CHODL: variants seen among roughly 807,000 people sequenced by gnomAD.
CHODL encodes the protein chondrolectin, also known as transmembrane protein MT75.
A neutral mutation model predicts 34.5 loss-of-function variants in CHODL; 29 were observed. The ratio of observed to expected loss-of-function variants is 0.84; its 90% CI spans 0.63 to 1.15. The LOEUF is 1.15. Among genes scored for constraint, CHODL ranks in the 50% most tolerant of loss-of-function variants. The probability of loss-of-function intolerance (pLI) is 0.00; values close to 1 mark genes in which losing one functional copy is unlikely to be tolerated. For missense variants in CHODL, 332 were observed against 332.5 expected (o/e 1.00, Z 0.01); for synonymous variants, 125 against 116.1 (o/e 1.08, Z -0.49).
At chr21:18,136,119 G>GAAA (rs755756494) in intron 2 of CHODL, among the ~76,000 whole-genome samples, 3 of 134,366 alleles carry the variant, frequency 2.2e-5, no homozygotes, top group Non-Finnish European at 4.6e-5. Context: ...AAAAAAAAAA[G>GAAA]AAAAAGAAAA....
chr21:17,962,081 A>T (rs748585594), intron 1 of CHODL, among the ~76,000 whole-genome samples: 5 of 152,190 alleles, frequency 3.3e-5, no homozygotes, highest in Admixed American at 6.6e-5. Context: ...CCAAATATGC[A>T]GCTGGATTAC....
chr21:18,042,740 C>A (rs113556411), intron 2 of CHODL, among the ~76,000 whole-genome samples: 1 of 151,828 alleles, frequency 6.6e-6, no homozygotes, highest in Non-Finnish European at 1.5e-5. Flanking sequence ...AATTCTCTTG[C>A]GCAGAAGGTG....
At chr21:18,206,879 A>C (rs1221218440) in intron 2 of CHODL, among the ~76,000 whole-genome samples, 4 of 137,294 alleles carry the variant, frequency 2.9e-5, no homozygotes. Context: ...TATTATTATT[A>C]TTATTATTAT....
intron 1 of CHODL, among the ~76,000 whole-genome samples, chr21:18,025,591 A>G (rs1278607825): frequency 2.0e-5 from 3 of 151,864 alleles, no homozygotes; most frequent in Non-Finnish European, 4.4e-5. Flanking sequence ...GACATAATTT[A>G]TTTTTTTATT....
chr21:17,993,137 AT>A (rs557099854), intron 1 of CHODL, among the ~76,000 whole-genome samples: 1 of 151,606 alleles, frequency 6.6e-6, no homozygotes, highest in East Asian at 1.9e-4. Flanking sequence ...TAGTATTTTC[AT>A]TTTTTTCCCA....
intron 1 of CHODL, among the ~76,000 whole-genome samples, chr21:18,255,710 T>TA (rs1491385632): frequency 6.6e-6 from 1 of 152,006 alleles, no homozygotes; most frequent in African/African-American, 2.4e-5. Context: ...TTCCTTTTTT[T>TA]AAAAAAGTAC....
At chr21:18,245,740 C>T (rs1214976844) in intron 1 of CHODL, 25 of 610,390 alleles carry the variant, frequency 4.1e-5, no homozygotes, top group Non-Finnish European at 6.9e-5. Flanking sequence ...GCACCGTGTT[C>T]ACTCGGATGC....
At chr21:17,986,445 G>C (rs774037578) in intron 1 of CHODL, among the ~76,000 whole-genome samples, 5 of 152,052 alleles carry the variant, frequency 3.3e-5, no homozygotes, top group Non-Finnish European at 7.3e-5. Flanking sequence ...ATGGTTTGCT[G>C]AGAATGATGG....
intron 2 of CHODL, among the ~76,000 whole-genome samples, chr21:18,219,109 A>G (rs2073858802): frequency 1.3e-5 from 2 of 152,134 alleles, no homozygotes; most frequent in Non-Finnish European, 2.9e-5. Flanking sequence ...CCCACTCTGC[A>G]GTATCAATTT....
chr21:18,090,474 G>A (rs1444520274), intron 2 of CHODL, among the ~76,000 whole-genome samples: 2 of 152,162 alleles, frequency 1.3e-5, no homozygotes, highest in African/African-American at 4.8e-5. Context: ...TGTCCTAGGG[G>A]AAATAGAGAT....
At chr21:18,243,472 A>T (rs1031958159), upstream of CHODL, among the ~76,000 whole-genome samples, 3 of 152,182 alleles carry the variant, frequency 2.0e-5, no homozygotes, top group African/African-American at 7.2e-5. Flanking sequence ...TTCTGCAATG[A>T]ATTAGTGTTT....
At chr21:18,150,136 A>G (rs978010604) in intron 2 of CHODL, among the ~76,000 whole-genome samples, 1 of 152,126 alleles carries the variant, frequency 6.6e-6, no homozygotes, top group African/African-American at 2.4e-5. Context: ...CTGGCTGACA[A>G]TTGGTTGAGT....
At chr21:17,957,755 A>C (rs1260487642) in intron 1 of CHODL, among the ~76,000 whole-genome samples, 2 of 151,570 alleles carry the variant, frequency 1.3e-5, no homozygotes, top group African/African-American at 2.4e-5. Context: ...AATAAAAATA[A>C]TCTCTTAGTG....
chr21:18,045,150 A>G (rs182498860), intron 2 of CHODL, among the ~76,000 whole-genome samples: 24 of 152,102 alleles, frequency 1.6e-4, no homozygotes, highest in Admixed American at 4.6e-4. Flanking sequence ...CTGGGACCTG[A>G]ATAATGAGTC....
At chr21:17,956,409 T>C (rs1413971988) in intron 1 of CHODL, among the ~76,000 whole-genome samples, 1 of 136,762 alleles carries the variant, frequency 7.3e-6, no homozygotes, top group African/African-American at 2.5e-5. Flanking sequence ...CCTCCAGAAC[T>C]GTGAGCTAAT....
Position 17,917,587 on chromosome 21 carries a change from T to TAG in CHODL, c.-145+187_-145+188insAG, listed in dbSNP as rs1431566659. On this transcript the variant is annotated intron_variant, in intron 1 of 6. Transcript: ENST00000400127. ...GAAGAGATTCATGCCCTACCCAAGG[T>TAG]GGGGCCATCTGTAGAGGGATGCAGA... 8.1e-3 allele frequency among the ~76,000 whole-genome samples: 1,208 copies of TAG among 149,158 alleles called. 17 individuals are homozygous for TAG. Among genetic ancestry groups the TAG allele is most frequent in the African/African-American group, 0.028 (1,113 of 39,264 alleles).
intron 2 of CHODL, among the ~76,000 whole-genome samples, chr21:18,103,173 A>T (rs1014533672): frequency 2.6e-5 from 4 of 152,166 alleles, no homozygotes; most frequent in African/African-American, 9.6e-5. Flanking sequence ...AATTCAATGG[A>T]TGGTTGTAAG....
At chr21:18,115,785 C>T (rs368970841) in intron 2 of CHODL, among the ~76,000 whole-genome samples, 2 of 152,140 alleles carry the variant, frequency 1.3e-5, no homozygotes, top group South Asian at 2.1e-4. Flanking sequence ...CACTCCTTAT[C>T]CTGCGGATTT....
intron 1 of CHODL, among the ~76,000 whole-genome samples, chr21:18,005,588 T>G (rs902311525): frequency 1.3e-5 from 2 of 152,230 alleles, no homozygotes; most frequent in Admixed American, 6.5e-5. Flanking sequence ...AGAGGGCAAA[T>G]GACGTGACAT....
Sources: gnomAD v4.1 joint callset for allele counts (sites outside exome capture counted in the v4.1 genomes callset) on GRCh38, gnomAD v4.1.1 for gene constraint, MANE v1.5 for transcripts, NCBI Gene and HGNC (gene_info 2026-07-23, HGNC 2026-07-21) for gene names.